Variants in FHIP1A observed in about 807,000 individuals in gnomAD.
FHIP1A encodes FHF complex subunit HOOK interacting protein 1A.
FHIP1A carries 61 observed loss-of-function variants against 88.6 expected under a neutral mutation model. The observed-to-expected ratio is 0.69, with a 90% CI of 0.56 to 0.85. FHIP1A has a LOEUF of 0.85. Among genes scored for constraint, FHIP1A ranks in the 40% least tolerant of loss-of-function variants. The probability of loss-of-function intolerance (pLI) is 0.00; values close to 1 mark genes in which losing one functional copy is unlikely to be tolerated. For synonymous variants in FHIP1A, 478 were observed against 496.0 expected, an observed-to-expected ratio of 0.96 and a Z score of 0.48; for missense variants, 1,154 against 1,273.5, an observed-to-expected ratio of 0.91 and a Z score of 1.43.
chr4:151,501,795 G>A (rs1036909169), intron 3 of FHIP1A, among the ~76,000 whole-genome samples: 1 of 146,852 alleles, frequency 6.8e-6, no homozygotes, highest in African/African-American at 2.5e-5. Flanking sequence ...TTGTTGAGTT[G>A]TAAGAGTTTT....
intron 1 of FHIP1A, among the ~76,000 whole-genome samples, chr4:151,449,157 A>G (rs1399274014): frequency 3.3e-5 from 5 of 152,170 alleles, no homozygotes; most frequent in African/African-American, 7.2e-5. Context: ...AGTAAGCTCA[A>G]AAATAATGAT....
chr4:151,628,589 G>C (rs938161596), intron 7 of FHIP1A, among the ~76,000 whole-genome samples: 21 of 152,156 alleles, frequency 1.4e-4, no homozygotes, highest in Non-Finnish European at 2.5e-4. Flanking sequence ...TAAAGGAAGA[G>C]AATGAAAGAA....
At chr4:151,454,015 G>A (rs11930988) in intron 1 of FHIP1A, among the ~76,000 whole-genome samples, 53,492 of 151,792 alleles carry the variant, frequency 0.35, 10,021 homozygotes, top group Non-Finnish European at 0.43. Context: ...CCAAATATTC[G>A]TTATTACAGG....
At chr4:151,449,612 T>C (rs1218055365) in intron 1 of FHIP1A, among the ~76,000 whole-genome samples, 3 of 152,116 alleles carry the variant, frequency 2.0e-5, no homozygotes, top group Non-Finnish European at 4.4e-5. Flanking sequence ...CACTGTGCAA[T>C]AGAACACAGA....
chr4:151,629,111 A>C (rs1010797859), intron 7 of FHIP1A, among the ~76,000 whole-genome samples: 5 of 152,342 alleles, frequency 3.3e-5, no homozygotes, highest in East Asian at 1.9e-4. Context: ...ATAACATTTT[A>C]TGTGTATTAT....
chr4:151,433,575 T>C (rs1289425166), intron 1 of FHIP1A, among the ~76,000 whole-genome samples: 3 of 151,976 alleles, frequency 2.0e-5, no homozygotes, highest in African/African-American at 7.3e-5. Context: ...GATAAATAAA[T>C]GAAAATGGGA....
intron 3 of FHIP1A, among the ~76,000 whole-genome samples, chr4:151,525,801 G>C (rs541693126): frequency 6.9e-6 from 1 of 144,140 alleles, no homozygotes; most frequent in Admixed American, 7.1e-5. Flanking sequence ...GGTGTTTCTC[G>C]CAGAGGGGGA....
chr4:151,556,413 G>A (rs1319207781), intron 3 of FHIP1A, among the ~76,000 whole-genome samples: 1 of 152,060 alleles, frequency 6.6e-6, no homozygotes, highest in Non-Finnish European at 1.5e-5. Context: ...TGCTATATTT[G>A]TGGGTTTTCA....
intron 3 of FHIP1A, among the ~76,000 whole-genome samples, chr4:151,539,087 T>C (rs113954644): frequency 0.017 from 2,552 of 152,352 alleles, 31 homozygotes; most frequent in Non-Finnish European, 0.027. Flanking sequence ...CCTTAGGCTA[T>C]ATAGATAGCA....
At chr4:151,566,913 T>A (rs1195608344) in intron 4 of FHIP1A, among the ~76,000 whole-genome samples, 5 of 152,288 alleles carry the variant, frequency 3.3e-5, no homozygotes, top group African/African-American at 1.2e-4. Flanking sequence ...ACTAGTAAGT[T>A]ACTAAGCCCA....
At chr4:151,539,599 T>C (rs1456042603) in intron 3 of FHIP1A, among the ~76,000 whole-genome samples, 6 of 150,950 alleles carry the variant, frequency 4.0e-5, no homozygotes, top group Non-Finnish European at 8.8e-5. Flanking sequence ...CAGTGGACGT[T>C]CTCTTAACCA....
In FHIP1A at chr4:151,418,124, A is replaced by C. The variant is rs576261175; in HGVS notation, c.-356+8659A>C. On this transcript the variant is annotated intron_variant, in intron 1 of 13. Transcript: ENST00000435205. ...GAGTTTGAGGCTGCAGTGACACAGGATGATGTCACTGCATTCCAGCCTTGG... is the reference window on the plus strand; with the variant it reads ...GAGTTTGAGGCTGCAGTGACACAGGCTGATGTCACTGCATTCCAGCCTTGG... 2.6e-3 allele frequency among the ~76,000 whole-genome samples: 375 copies of C among 142,480 alleles called. 5 individuals carry two copies. Among genetic ancestry groups the C allele is most frequent in the African/African-American group, 9.2e-3 (362 of 39,248 alleles). The allele number at this position is 142,480 out of a possible 152,430, so 93.5% of individuals were successfully genotyped here.
chr4:151,471,484 A>G (rs1729511380), intron 2 of FHIP1A, among the ~76,000 whole-genome samples: 1 of 152,152 alleles, frequency 6.6e-6, no homozygotes, highest in Non-Finnish European at 1.5e-5. Context: ...CATAACTTCT[A>G]AAAGAAAATT....
At chr4:151,646,844 G>T in intron 10 of FHIP1A, 96 bp downstream of exon 10, 1 of 801,454 alleles carries the variant, frequency 1.2e-6, no homozygotes, top group South Asian at 1.8e-5. Context: ...GAATTATGTG[G>T]TGGGTCCCAT....
chr4:151,490,439 C>T lies in FHIP1A; in HGVS notation c.-123+7791C>T, dbSNP rs188185268. 1.1e-3 allele frequency among the ~76,000 whole-genome samples: 174 copies of T among 152,206 alleles called. 3 individuals carry two copies. The highest frequency in any genetic ancestry group is 3.4e-3 in the Middle Eastern group (1 of 294). ...CACTGCAGTCTGTTTCTCAGGAAGC[C>T]GCATGTCTAGGGGAAGGGGGAGAGC... On this transcript the variant is annotated intron_variant, in intron 3 of 13. Coordinates refer to ENST00000435205, the MANE Select transcript of FHIP1A (RefSeq NM_001109977.3).
intron 2 of FHIP1A, among the ~76,000 whole-genome samples, chr4:151,461,263 G>GT (rs971159571): frequency 2.6e-5 from 4 of 152,262 alleles, no homozygotes; most frequent in Non-Finnish European, 4.4e-5. Context: ...GAAGCAGGAT[G>GT]TTTTTTGAGA....
rs1402188490 is a variant in FHIP1A at position 151,577,597 on chromosome 4, A to G, written c.253A>G (p.Met85Val). 31 of 1,551,836 alleles carry G rather than the reference A, an allele frequency of 2.0e-5. No homozygotes were observed. The highest frequency in any genetic ancestry group is 3.6e-5 in the South Asian group (3 of 84,062). Residue 85 changes from methionine to valine, a missense_variant, in exon 5 of 14, where the codon ATG becomes GTG. Coordinates refer to ENST00000435205, the MANE Select transcript of FHIP1A (RefSeq NM_001109977.3). ...LIEEQAKDAA[M>V]GPILEFVVSE... is the part of the protein sequence containing the mutation. ...TGAAGAGCAAGCCAAAGATGCTGCA[A>G]TGGGGCCGATTCTGGAATTTGTGGT...
At chr4:151,643,667 G>A (rs1026520141) in intron 9 of FHIP1A, among the ~76,000 whole-genome samples, 7 of 151,926 alleles carry the variant, frequency 4.6e-5, no homozygotes, top group South Asian at 2.1e-4. Flanking sequence ...TAGCTCCCGC[G>A]TATGAGTGAG....
chr4:151,650,302 A>T lies in FHIP1A; in HGVS notation c.2261A>T (p.Gln754Leu), dbSNP rs1050316962. The T allele has an allele frequency of 6.4e-7, 1 of 1,551,748 alleles. No homozygotes were observed. Among genetic ancestry groups the T allele is most frequent in the African/African-American group, 1.4e-5 (1 of 73,184 alleles). Residue 754 changes from glutamine to leucine, a missense_variant, in exon 11 of 14, where the codon CAG becomes CTG. Transcript: ENST00000435205. ...AHPESEELIA[Q>L]YDQIIKELDS... is the part of the protein sequence containing the mutation. ...CCGGAGAGCGAGGAGCTCATTGCCC[A>T]GTATGACCAAATCATTAAAGAGCTG...
Sources: gnomAD v4.1 joint callset for allele counts (sites outside exome capture counted in the v4.1 genomes callset) on GRCh38, gnomAD v4.1.1 for gene constraint, MANE v1.5 for transcripts, NCBI Gene and HGNC (gene_info 2026-07-23, HGNC 2026-07-21) for gene names.